The following PCDH7 variants were observed in gnomAD, a reference collection of about 807,000 sequenced individuals.
PCDH7 encodes the protein protocadherin-7.
A neutral mutation model predicts 58.9 loss-of-function variants in PCDH7; 17 were observed. The ratio of observed to expected loss-of-function variants is 0.29; its 90% CI spans 0.20 to 0.43. The LOEUF is 0.43. Among genes scored for constraint, PCDH7 ranks in the 20% least tolerant of loss-of-function variants. The pLI is 1.00. For missense variants in PCDH7, 1,274 were observed against 1,441.0 expected (o/e 0.88, Z 1.88); for synonymous variants, 664 against 616.4 (o/e 1.08, Z -1.14).
At chr4:30,895,700 C>G (rs1047079259) in intron 1 of PCDH7, among the ~76,000 whole-genome samples, 63 of 152,200 alleles carry the variant, frequency 4.1e-4, no homozygotes, top group African/African-American at 1.5e-3. Flanking sequence ...CTTACCCCTC[C>G]CCCAAATACA....
intron 3 of PCDH7, among the ~76,000 whole-genome samples, chr4:31,084,432 C>T (rs965892173): frequency 2.6e-5 from 4 of 151,666 alleles, no homozygotes; most frequent in Admixed American, 6.6e-5. Flanking sequence ...TAGTTGAATA[C>T]GAGTGTAGTG....
chr4:31,098,521 G>A (rs1301937343), intron 3 of PCDH7, among the ~76,000 whole-genome samples: 1 of 152,132 alleles, frequency 6.6e-6, no homozygotes, highest in Non-Finnish European at 1.5e-5. Flanking sequence ...TACAAATGGT[G>A]GGGAGAACAA....
chr4:30,991,580 G>A (rs886378012), intron 3 of PCDH7, among the ~76,000 whole-genome samples: 1 of 152,162 alleles, frequency 6.6e-6, no homozygotes, highest in Non-Finnish European at 1.5e-5. Context: ...ATATGGGACA[G>A]TGCAGATTTA....
At chr4:31,053,903 T>G (rs1756946339) in intron 3 of PCDH7, among the ~76,000 whole-genome samples, 1 of 152,048 alleles carries the variant, frequency 6.6e-6, no homozygotes, top group African/African-American at 2.4e-5. Flanking sequence ...AATTTTCTGG[T>G]TATTTGAAAT....
chr4:31,054,029 A>T (rs1465617813), intron 3 of PCDH7, among the ~76,000 whole-genome samples: 2 of 151,990 alleles, frequency 1.3e-5, no homozygotes, highest in East Asian at 3.9e-4. Context: ...CCATAGTCAC[A>T]ATCAGAGCTC....
At chr4:31,077,088 C>T (rs142419479) in intron 3 of PCDH7, among the ~76,000 whole-genome samples, 20 of 152,034 alleles carry the variant, frequency 1.3e-4, no homozygotes, top group Middle Eastern at 6.8e-3. Flanking sequence ...TATATACATA[C>T]ACACATAAAT....
intron 1 of PCDH7, among the ~76,000 whole-genome samples, chr4:30,745,828 ATATTAT>A (rs1175978788): frequency 4.0e-5 from 6 of 151,866 alleles, no homozygotes; most frequent in East Asian, 1.9e-4. Flanking sequence ...TTCTAAAGAG[ATATTAT>A]TATTATTACT....
intron 3 of PCDH7, among the ~76,000 whole-genome samples, chr4:31,030,702 GAC>G (rs1031536826): frequency 3.3e-5 from 5 of 152,076 alleles, no homozygotes; most frequent in Non-Finnish European, 7.4e-5. Flanking sequence ...CAAAAGAAAA[GAC>G]AAGACAGCTA....
At chr4:31,077,033 A>AG (rs1371201804) in intron 3 of PCDH7, among the ~76,000 whole-genome samples, 1 of 152,200 alleles carries the variant, frequency 6.6e-6, no homozygotes, top group Non-Finnish European at 1.5e-5. Context: ...AGAAAAAAAA[A>AG]GAAAAATTGT....
At chr4:31,050,725 T>A (rs1756666504) in intron 3 of PCDH7, among the ~76,000 whole-genome samples, 1 of 152,204 alleles carries the variant, frequency 6.6e-6, no homozygotes, top group Non-Finnish European at 1.5e-5. Flanking sequence ...AAGTTACCTC[T>A]ACTTCTACAC....
intron 1 of PCDH7, among the ~76,000 whole-genome samples, chr4:30,906,016 CT>C: frequency 6.6e-6 from 1 of 152,258 alleles, no homozygotes; most frequent in Non-Finnish European, 1.5e-5. Flanking sequence ...AATGTCTTTG[CT>C]TTTCCACAAA....
intron 3 of PCDH7, among the ~76,000 whole-genome samples, chr4:31,097,984 G>A (rs1207227724): frequency 6.6e-6 from 1 of 151,976 alleles, no homozygotes; most frequent in Non-Finnish European, 1.5e-5. Flanking sequence ...TGATTTTTTA[G>A]GAAAGATTCT....
chr4:30,963,894 G>A (rs1286663513), intron 3 of PCDH7, among the ~76,000 whole-genome samples: 1 of 152,044 alleles, frequency 6.6e-6, no homozygotes, highest in Non-Finnish European at 1.5e-5. Flanking sequence ...AGTCTCAGAG[G>A]GGCCATATTT....
chr4:30,948,285 T>C (rs1158902532), intron 2 of PCDH7, among the ~76,000 whole-genome samples: 2 of 147,532 alleles, frequency 1.4e-5, no homozygotes, highest in Admixed American at 1.4e-4. Flanking sequence ...TAGCAACTCA[T>C]ATGCAAAAAA....
At position 30,721,853 on chromosome 4, in the gene PCDH7, C is replaced by G. The variant is rs201088340; in HGVS notation, c.431C>G (p.Pro144Arg). The G allele has an allele frequency of 1.9e-6, 3 of 1,606,564 alleles. No homozygotes were observed. The East Asian group carries it at 6.8e-5, about 36-fold the overall frequency. The change falls in exon 1 of 2, where the codon CCG (proline) becomes CGG (arginine). Residue 144 changes from proline (P) to arginine (R), a missense_variant. Around this residue, in one of 3 missense-constraint regions of PCDH7, gnomAD observed 212 missense variants for 255.8 expected, o/e 0.83. Transcript: ENST00000361762. This position sits in a 1 kb window ranked among gnomAD's most constrained non-coding sequence, Gnocchi z 6.7. ...ATCAACGACAACACGCCCACCTTCCCGTCGCCCGTGCTCACGCTCACGGTG... is the reference window on the plus strand; with the variant it reads ...ATCAACGACAACACGCCCACCTTCCGGTCGCCCGTGCTCACGCTCACGGTG...
At chr4:30,872,218 A>C (rs1735707845) in intron 1 of PCDH7, among the ~76,000 whole-genome samples, 1 of 152,208 alleles carries the variant, frequency 6.6e-6, no homozygotes, top group Non-Finnish European at 1.5e-5. Flanking sequence ...AACTATAATC[A>C]TATCAGAATT....
chr4:31,033,781 G>A (rs1755154006), intron 3 of PCDH7, among the ~76,000 whole-genome samples: 1 of 151,996 alleles, frequency 6.6e-6, no homozygotes, highest in Non-Finnish European at 1.5e-5. Context: ...CTTTTCTGTA[G>A]CTCTTTGTCT....
intron 3 of PCDH7, among the ~76,000 whole-genome samples, chr4:30,980,462 G>A (rs1351744373): frequency 6.6e-6 from 1 of 151,954 alleles, no homozygotes; most frequent in African/African-American, 2.4e-5. Flanking sequence ...TCCCTGATTA[G>A]CAAAATTTAG....
chr4:30,727,153 T>C (rs1005963589), intron 1 of PCDH7, among the ~76,000 whole-genome samples: 6 of 151,914 alleles, frequency 3.9e-5, no homozygotes, highest in African/African-American at 9.7e-5. Flanking sequence ...AATTTAAAAA[T>C]TGAGATTTCA....
Sources: allele counts gnomAD v4.1 joint callset (sites outside exome capture counted in the v4.1 genomes callset), GRCh38; gene constraint gnomAD v4.1.1; regional missense constraint gnomAD v4.1.1; non-coding constraint Gnocchi (gnomAD v3.1); transcripts MANE v1.5; gene names NCBI Gene and HGNC (gene_info 2026-07-23, HGNC 2026-07-21).